Variants in GALNT10 observed in about 807,000 individuals in gnomAD.
GALNT10 encodes the protein GalNAc transferase 10.
In GALNT10, 41 loss-of-function variants were observed where a neutral mutation model predicts 75.0. The ratio of observed to expected loss-of-function variants is 0.55; its 90% confidence interval spans 0.43 to 0.71. The LOEUF is 0.71. Among genes scored for constraint, GALNT10 ranks in the 30% least tolerant of loss-of-function variants. GALNT10 has a pLI of 0.00. For synonymous variants in GALNT10, 302 were observed against 313.0 expected (o/e 0.96, Z 0.37); for missense variants, 727 against 818.5 (o/e 0.89, Z 1.36).
intron 1 of GALNT10, among the ~76,000 whole-genome samples, chr5:154,279,034 C>A (rs1308712475): frequency 6.6e-6 from 1 of 152,088 alleles, no homozygotes; most frequent in Admixed American, 6.6e-5. Context: ...CTGTTTGAGT[C>A]CCTGCTTTCA....
intron 1 of GALNT10, among the ~76,000 whole-genome samples, chr5:154,215,479 G>A (rs934350300): frequency 5.9e-5 from 9 of 152,078 alleles, no homozygotes; most frequent in African/African-American, 1.7e-4. Flanking sequence ...GCAAGACTCC[G>A]TCTCAAAAAA....
intron 1 of GALNT10, among the ~76,000 whole-genome samples, chr5:154,198,288 G>A (rs1435762697): frequency 6.6e-6 from 1 of 152,228 alleles, no homozygotes; most frequent in Non-Finnish European, 1.5e-5. Context: ...GTGGCAGAGA[G>A]TTCTCTTGAG....
At chr5:154,346,141 T>TGTGTGC (rs989900106) in intron 4 of GALNT10, among the ~76,000 whole-genome samples, 8 of 147,212 alleles carry the variant, frequency 5.4e-5, no homozygotes, top group African/African-American at 1.5e-4. Flanking sequence ...CGTGTGTGCG[T>TGTGTGC]GTGTGTGTGT....
intron 4 of GALNT10, among the ~76,000 whole-genome samples, chr5:154,332,539 G>A (rs1408837924): frequency 3.3e-5 from 5 of 152,176 alleles, no homozygotes; most frequent in African/African-American, 1.2e-4. Context: ...CTGCATGCGC[G>A]GTTACATGGC....
chr5:154,266,855 TG>T (rs1225171601), intron 1 of GALNT10, among the ~76,000 whole-genome samples: 1 of 152,216 alleles, frequency 6.6e-6, no homozygotes, highest in East Asian at 1.9e-4. Context: ...CACTCCAGCC[TG>T]GGCGACAGAG....
At chr5:154,375,463 T>A (rs181840029) in intron 4 of GALNT10, among the ~76,000 whole-genome samples, 52 of 152,336 alleles carry the variant, frequency 3.4e-4, no homozygotes, top group African/African-American at 1.2e-3. Context: ...TTATCCAGAC[T>A]TGGGGCAGAA....
Position 154,337,521 on chromosome 5 carries a change from C to T in GALNT10, c.568+7783C>T. ...GCTGGTACTAGAACTGCCATAGGCACCTTGGTTTCATGGTTTGGCGAAGTA... is the reference window on the plus strand; with the variant it reads ...GCTGGTACTAGAACTGCCATAGGCATCTTGGTTTCATGGTTTGGCGAAGTA... On this transcript the variant is annotated intron_variant, in intron 4 of 11. Transcript: ENST00000297107. 3 of 741,060 alleles carry T rather than the reference C, an allele frequency of 4.0e-6. No individual in the cohort carries two copies. The South Asian group carries it at 4.1e-5, about 10-fold the overall frequency. The allele number at this position is 741,060 out of a possible 1,614,324, so 45.9% of individuals were successfully genotyped here.
chr5:154,268,075 G>T (rs142278932), intron 1 of GALNT10, among the ~76,000 whole-genome samples: 4 of 152,136 alleles, frequency 2.6e-5, no homozygotes, highest in East Asian at 1.9e-4. Context: ...CCAAATAATT[G>T]CTTATAACAT....
chr5:154,290,143 G>C (rs1754173223), intron 1 of GALNT10, among the ~76,000 whole-genome samples: 1 of 150,302 alleles, frequency 6.7e-6, no homozygotes, highest in African/African-American at 2.5e-5. Flanking sequence ...CCAGGCTGGA[G>C]TGCAGTTGCA....
At chr5:154,405,105 C>G (rs971903270) in intron 8 of GALNT10, among the ~76,000 whole-genome samples, 7 of 152,158 alleles carry the variant, frequency 4.6e-5, no homozygotes, top group African/African-American at 1.7e-4. Context: ...CTCCGGGGAG[C>G]CTGTGAGCCC....
rs1417565856 is a variant in GALNT10 at position 154,393,510 on chromosome 5, A to G, written c.1056+7080A>G. ...AACATCGAACTTGTTCATCATAAGT[A>G]CGTATTACTTCTGTAACCAGGAAAA... On this transcript the variant is annotated intron_variant, in intron 7 of 11. Coordinates refer to ENST00000297107, the MANE Select transcript of GALNT10 (RefSeq NM_198321.4). Among the ~76,000 whole-genome samples, 4 of 152,284 alleles carry G rather than the reference A, an allele frequency of 2.6e-5. No individual in the cohort carries two copies. In the East Asian group the frequency reaches 7.7e-4, roughly 29 times the overall value.
Position 154,329,602 on chromosome 5 carries a change from T to C in GALNT10, c.432T>C (p.Leu144=), listed in dbSNP as rs759227074. The C allele has an allele frequency of 1.2e-6, 2 of 1,613,902 alleles. No homozygotes were observed. Among genetic ancestry groups the C allele is most frequent in the East Asian group, 4.5e-5 (2 of 44,864 alleles). Residue 144 remains leucine, a synonymous_variant, in exon 4 of 12, where the codon CTT becomes CTC. Transcript: ENST00000297107. The stretch of plus-strand genomic sequence containing the variant: ...ACAGCAAGCGCTACCTGGAGACACT[T>C]CCCAACACAAGCATCATCATCCCCT... ...NCNSKRYLET[L]PNTSIIIPFH... is the part of the protein sequence containing the mutation.
intron 1 of GALNT10, among the ~76,000 whole-genome samples, chr5:154,215,746 C>T (rs1451622218): frequency 6.6e-6 from 1 of 152,122 alleles, no homozygotes; most frequent in Non-Finnish European, 1.5e-5. Context: ...ATCGCTGCTG[C>T]AGGTATGTTA....
chr5:154,344,240 CTCTG>C (rs1474054500), intron 4 of GALNT10, among the ~76,000 whole-genome samples: 1 of 142,604 alleles, frequency 7.0e-6, no homozygotes, highest in East Asian at 2.1e-4. Context: ...CAGAGTCTCA[CTCTG>C]TCTGTCGCCC....
intron 3 of GALNT10, among the ~76,000 whole-genome samples, chr5:154,310,449 T>TG (rs200601415): frequency 0.025 from 3,173 of 125,234 alleles, 63 homozygotes; most frequent in African/African-American, 0.061. Context: ...TTGTTTTTTT[T>TG]TTTGTTTGTT....
chr5:154,396,461 A>G (rs989443132), intron 7 of GALNT10, among the ~76,000 whole-genome samples: 1 of 152,130 alleles, frequency 6.6e-6, no homozygotes, highest in East Asian at 1.9e-4. Context: ...GCTGTTAGGG[A>G]TCTTTGAGGA....
intron 1 of GALNT10, among the ~76,000 whole-genome samples, chr5:154,293,613 A>ATATATATATATATATATTTTTTTTTTTTT: frequency 9.1e-6 from 1 of 109,360 alleles, no homozygotes; most frequent in African/African-American, 4.2e-5. Context: ...ATATATATAT[A>ATATATATATATATATATTTTTTTTTTTTT]TTTTTTTTTT....
intron 1 of GALNT10, among the ~76,000 whole-genome samples, chr5:154,223,588 T>G (rs893733279): frequency 6.6e-6 from 1 of 152,188 alleles, no homozygotes; most frequent in East Asian, 1.9e-4. Context: ...AGGATGTACT[T>G]AACCTTGGCA....
chr5:154,268,469 G>A (rs1429118426), intron 1 of GALNT10, among the ~76,000 whole-genome samples: 3 of 152,132 alleles, frequency 2.0e-5, no homozygotes, highest in African/African-American at 7.2e-5. Context: ...TTAGAGTTAA[G>A]GAGCCCCAAA....
Sources: gnomAD v4.1 joint callset for allele counts (sites outside exome capture counted in the v4.1 genomes callset) on GRCh38, gnomAD v4.1.1 for gene constraint, MANE v1.5 for transcripts, NCBI Gene and HGNC (gene_info 2026-07-23, HGNC 2026-07-21) for gene names.